The following CCDC73 variants were observed in gnomAD, a reference collection of about 807,000 sequenced individuals.
CCDC73 encodes coiled-coil domain containing 73.
In CCDC73, 95 loss-of-function variants were observed where a neutral mutation model predicts 116.5. That is an observed-to-expected ratio of 0.82 (90% CI 0.69 to 0.97). The LOEUF (loss-of-function observed/expected upper bound fraction) is 0.97, where lower values mean the gene tolerates loss of function less well. Ranked by LOEUF, CCDC73 falls within the 50% of genes least tolerant of loss-of-function variation. The pLI is 0.00. For synonymous variants in CCDC73, 398 were observed against 401.3 expected (o/e 0.99, Z 0.10); for missense variants, 1,066 against 1,206.8 (o/e 0.88, Z 1.73).
At chr11:32,648,022 G>A (rs1855793801) in intron 12 of CCDC73, among the ~76,000 whole-genome samples, 1 of 152,128 alleles carries the variant, frequency 6.6e-6, no homozygotes, top group South Asian at 2.1e-4. Flanking sequence ...AACCTCAGCT[G>A]TTCCTCAGAT....
intron 2 of CCDC73, among the ~76,000 whole-genome samples, chr11:32,738,265 T>C (rs1850153348): frequency 6.6e-6 from 1 of 152,232 alleles, no homozygotes; most frequent in Non-Finnish European, 1.5e-5. Context: ...TTCAGTTTTT[T>C]AAGAAACCTG....
chr11:32,654,970 T>C lies in CCDC73; in HGVS notation c.648A>G (p.Glu216=). 1 of 1,587,414 alleles carries C rather than the reference T, an allele frequency of 6.3e-7. No homozygotes were observed. The highest frequency in any genetic ancestry group is 8.5e-7 in the Non-Finnish European group (1 of 1,173,012). ...QEAEICSLKK[E]LKKAASDLIK... is the part of the protein sequence containing the mutation. ...TCAAGTCTGAGGCTGCTTTTTTTAG[T>C]TCCTTAATAAGAAACATATCAAACA... Residue 216 remains glutamate (E), a splice_region_variant and synonymous_variant, in exon 10 of 18, where the codon GAA becomes GAG. Coordinates refer to ENST00000335185, the MANE Select transcript of CCDC73 (RefSeq NM_001008391.4).
intron 6 of CCDC73, among the ~76,000 whole-genome samples, chr11:32,684,794 G>C (rs748190924): frequency 1.3e-5 from 2 of 152,058 alleles, no homozygotes; most frequent in Non-Finnish European, 2.9e-5. Flanking sequence ...ACCAACCTGG[G>C]CAACATGGTG....
Position 32,717,533 on chromosome 11 carries a change from A to G in CCDC73, c.207+543T>C, listed in dbSNP as rs369576679. On this transcript the variant is annotated intron_variant, in intron 3 of 17. Coordinates refer to ENST00000335185, the MANE Select transcript of CCDC73 (RefSeq NM_001008391.4). Reference sequence around the variant, plus strand: ...AAATTCTTATTCTCAGTTTTCTGGAAGCCTAAATGTTACCAACAGTTTTAG... The same window carrying G: ...AAATTCTTATTCTCAGTTTTCTGGAGGCCTAAATGTTACCAACAGTTTTAG... Among the ~76,000 whole-genome samples the G allele has an allele frequency of 2.2e-4, 33 of 152,340 alleles. No homozygotes were observed. The East Asian group carries it at 5.4e-3, about 25-fold the overall frequency.
At chr11:32,791,976 CCACACACACACACATACA>C (rs1176075871) in intron 1 of CCDC73, among the ~76,000 whole-genome samples, 4 of 123,082 alleles carry the variant, frequency 3.2e-5, no homozygotes, top group African/African-American at 5.9e-5. Context: ...AAAAAAAAAA[CCACACACACACACATACA>C]CACACACACA....
chr11:32,700,886 G>T, intron 4 of CCDC73, 60 bp from the exon 5 acceptor site: 1 of 715,704 alleles, frequency 1.4e-6, no homozygotes, highest in South Asian at 2.6e-5. Flanking sequence ...ATCTATACTG[G>T]TCACTGAGAC....
rs949020095 is a variant in CCDC73 at position 32,633,339 on chromosome 11, G to A, written c.1185+2357C>T. 3.3e-4 allele frequency among the ~76,000 whole-genome samples: 50 copies of A among 152,088 alleles called. 1 individual carries two copies. The highest frequency in any genetic ancestry group is 1.8e-4 in the Non-Finnish European group (12 of 68,020). ...GAGGGGCATCAATTTGATCCTAGAG[G>A]ACTATAATAATAAGAGAATATTATG... is the stretch of plus-strand genomic sequence containing the variant. On this transcript the variant is annotated intron_variant, in intron 14 of 17. Transcript: ENST00000335185.
At chr11:32,725,671 T>C (rs928418555) in intron 2 of CCDC73, among the ~76,000 whole-genome samples, 3 of 152,068 alleles carry the variant, frequency 2.0e-5, no homozygotes, top group Non-Finnish European at 4.4e-5. Context: ...AGTTTCTGGG[T>C]TTTAGGTTGG....
intron 1 of CCDC73, among the ~76,000 whole-genome samples, chr11:32,774,496 T>C (rs932735317): frequency 6.6e-6 from 1 of 152,156 alleles, no homozygotes. Flanking sequence ...ATTTCAAAAC[T>C]CACCTCCTAT....
intron 17 of CCDC73, chr11:32,606,319 C>CA (rs1453642071): frequency 1.3e-5 from 2 of 152,158 alleles, no homozygotes; most frequent in Admixed American, 1.3e-4. Context: ...CAAAAAGTGC[C>CA]AGAGTAAATA....
chr11:32,755,907 A>G (rs1330653210), intron 2 of CCDC73, among the ~76,000 whole-genome samples: 2 of 66,160 alleles, frequency 3.0e-5, no homozygotes, highest in African/African-American at 5.7e-5. Flanking sequence ...ATATATCTAT[A>G]TATATCTCCA....
At chr11:32,752,356 G>T (rs1334101101) in intron 2 of CCDC73, among the ~76,000 whole-genome samples, 1 of 152,130 alleles carries the variant, frequency 6.6e-6, no homozygotes, top group African/African-American at 2.4e-5. Context: ...CAACAGTATA[G>T]TAAATATCAC....
intron 9 of CCDC73, among the ~76,000 whole-genome samples, chr11:32,670,232 T>C (rs1011371765): frequency 5.3e-5 from 8 of 152,144 alleles, no homozygotes; most frequent in South Asian, 2.1e-4. Context: ...AAGTAAATTA[T>C]TGGATAGCGG....
intron 9 of CCDC73, among the ~76,000 whole-genome samples, chr11:32,655,802 GAGGGTGGAACTGA>G (rs1855866398): frequency 1.3e-5 from 2 of 152,308 alleles, no homozygotes; most frequent in East Asian, 3.9e-4. Flanking sequence ...CAGTGTTGTG[GAGGGTGGAACTGA>G]AGGATGTAAA....
chr11:32,811,188 C>G, the CCDC73 span, among the ~76,000 whole-genome samples: 1 of 152,158 alleles, frequency 6.6e-6, no homozygotes, highest in Admixed American at 6.5e-5. Flanking sequence ...AACATTGGAG[C>G]CTCTTCTTTA....
intron 2 of CCDC73, chr11:32,758,196 T>C (rs1850359940): frequency 8.5e-6 from 2 of 234,168 alleles, no homozygotes; most frequent in African/African-American, 4.5e-5. Flanking sequence ...TTGCTAGTAT[T>C]ATATACTTTT....
At chr11:32,816,525 C>G in the CCDC73 span, among the ~76,000 whole-genome samples, 80 of 151,964 alleles carry the variant, frequency 5.3e-4, no homozygotes, top group Non-Finnish European at 1.0e-3. Context: ...GACTCTGATG[C>G]CCAAAGTCAA....
At chr11:32,617,821 A>C (rs1855488172) in intron 14 of CCDC73, among the ~76,000 whole-genome samples, 1 of 152,246 alleles carries the variant, frequency 6.6e-6, no homozygotes, top group South Asian at 2.1e-4. Context: ...AAGAGTTAGT[A>C]ATACATTAAA....
chr11:32,662,328 A>G (rs1477810521), intron 9 of CCDC73, among the ~76,000 whole-genome samples: 1 of 152,138 alleles, frequency 6.6e-6, no homozygotes. Context: ...TTATTTCTCC[A>G]CATACTCTCC....
Sources: gnomAD v4.1 joint callset for allele counts (sites outside exome capture counted in the v4.1 genomes callset) on GRCh38, gnomAD v4.1.1 for gene constraint, MANE v1.5 for transcripts, NCBI Gene and HGNC (gene_info 2026-07-23, HGNC 2026-07-21) for gene names.